Variants in NOVA1 observed in about 807,000 individuals in gnomAD.
NOVA1 encodes RNA-binding protein Nova-1.
NOVA1 carries 7 observed loss-of-function variants against 38.0 expected under a neutral mutation model. That is an observed-to-expected ratio of 0.18 (90% CI 0.10 to 0.35). The LOEUF (loss-of-function observed/expected upper bound fraction) is 0.35. Among genes scored for constraint, NOVA1 ranks in the 10% least tolerant of loss-of-function variants. The pLI is 1.00. For missense variants in NOVA1, 460 were observed against 616.0 expected (o/e 0.75, Z 2.68); for synonymous variants, 270 against 232.5 (o/e 1.16, Z -1.47).
At chr14:26,505,376 G>T (rs1887569653) in intron 2 of NOVA1, among the ~76,000 whole-genome samples, 1 of 151,956 alleles carries the variant, frequency 6.6e-6, no homozygotes, top group Non-Finnish European at 1.5e-5. Flanking sequence ...GTGAGATCTG[G>T]TTGTTTTCTA....
At chr14:26,499,217 T>C (rs1887071141) in intron 2 of NOVA1, among the ~76,000 whole-genome samples, 1 of 152,170 alleles carries the variant, frequency 6.6e-6, no homozygotes, top group Non-Finnish European at 1.5e-5. Context: ...ATGACAGATA[T>C]GTTAATTTGC....
chr14:26,532,901 AT>A (rs879367667), intron 2 of NOVA1, among the ~76,000 whole-genome samples: 1 of 152,150 alleles, frequency 6.6e-6, no homozygotes, highest in African/African-American at 2.4e-5. Flanking sequence ...ATAAAATGTG[AT>A]TTTTAGATCA....
intron 2 of NOVA1, among the ~76,000 whole-genome samples, chr14:26,527,140 A>AAAAC (rs1555325870): frequency 1.0e-5 from 1 of 97,962 alleles, no homozygotes; most frequent in African/African-American, 4.0e-5. Context: ...AGGTGAAGTC[A>AAAAC]TGAGCTATGG....
At chr14:26,496,939 CTT>C (rs946341675) in intron 2 of NOVA1, among the ~76,000 whole-genome samples, 1 of 152,140 alleles carries the variant, frequency 6.6e-6, no homozygotes, top group African/African-American at 2.4e-5. Context: ...ATGCCTCCAG[CTT>C]TGTTCTTTTG....
intron 2 of NOVA1, among the ~76,000 whole-genome samples, chr14:26,562,014 G>C (rs755113773): frequency 6.6e-6 from 1 of 152,046 alleles, no homozygotes; most frequent in Non-Finnish European, 1.5e-5. Flanking sequence ...CACTCTATAA[G>C]TTATAATTTC....
At chr14:26,482,161 AG>A (rs951120657) in intron 2 of NOVA1, among the ~76,000 whole-genome samples, 63 of 152,314 alleles carry the variant, frequency 4.1e-4, no homozygotes, top group African/African-American at 1.4e-3. Flanking sequence ...TGAGCCATAA[AG>A]AATTATGACT....
chr14:26,553,540 C>G (rs1891291613), intron 2 of NOVA1, among the ~76,000 whole-genome samples: 1 of 152,016 alleles, frequency 6.6e-6, no homozygotes, highest in African/African-American at 2.4e-5. Context: ...GCCCACTTCC[C>G]TTCTCTGTGC....
At chr14:26,456,217 C>T (rs184283639) in intron 4 of NOVA1, among the ~76,000 whole-genome samples, 192 of 151,920 alleles carry the variant, frequency 1.3e-3, no homozygotes, top group African/African-American at 4.3e-3. Context: ...AAAATACCTA[C>T]GAAGATAAAC....
chr14:26,501,727 T>C (rs1441308273), intron 2 of NOVA1, among the ~76,000 whole-genome samples: 1 of 151,942 alleles, frequency 6.6e-6, no homozygotes, highest in South Asian at 2.1e-4. Context: ...ACTGAAATTA[T>C]ATTTGGTACA....
At chr14:26,528,455 G>A (rs1253899488) in intron 2 of NOVA1, among the ~76,000 whole-genome samples, 3 of 152,148 alleles carry the variant, frequency 2.0e-5, no homozygotes, top group African/African-American at 2.4e-5. Flanking sequence ...TATGGGTAAG[G>A]TAGAGGGTGG....
chr14:26,491,779 A>T (rs1412113715), intron 2 of NOVA1, among the ~76,000 whole-genome samples: 1 of 151,828 alleles, frequency 6.6e-6, no homozygotes, highest in African/African-American at 2.4e-5. Flanking sequence ...TTATTTCTAG[A>T]CTCCATTAAT....
At chr14:26,503,003 T>C (rs1007830923) in intron 2 of NOVA1, among the ~76,000 whole-genome samples, 1 of 152,054 alleles carries the variant, frequency 6.6e-6, no homozygotes, top group African/African-American at 2.4e-5. Context: ...CAATGTCTGT[T>C]TGTTTTCCTT....
chr14:26,579,571 AGTAT>A (rs1236299032), intron 2 of NOVA1, among the ~76,000 whole-genome samples: 15 of 152,320 alleles, frequency 9.8e-5, no homozygotes, highest in African/African-American at 3.4e-4. Context: ...TAAAATATTT[AGTAT>A]GTAAGTAATA....
At chr14:26,498,768 A>G (rs1165954295) in intron 2 of NOVA1, among the ~76,000 whole-genome samples, 2 of 152,208 alleles carry the variant, frequency 1.3e-5, no homozygotes, top group Non-Finnish European at 1.5e-5. Context: ...GGTTCTGAGA[A>G]TATTAAAGAA....
At chr14:26,493,946 C>G (rs1229059299) in intron 2 of NOVA1, among the ~76,000 whole-genome samples, 1 of 152,174 alleles carries the variant, frequency 6.6e-6, no homozygotes, top group Non-Finnish European at 1.5e-5. Context: ...AAAGAAAGGT[C>G]AGTGGTATCA....
intron 2 of NOVA1, among the ~76,000 whole-genome samples, chr14:26,560,652 T>C (rs997530541): frequency 9.9e-5 from 15 of 152,234 alleles, no homozygotes; most frequent in African/African-American, 3.6e-4. Context: ...CTGACTCTAA[T>C]TGCATAGATA....
At chr14:26,573,903 T>C (rs1892645469) in intron 2 of NOVA1, among the ~76,000 whole-genome samples, 1 of 152,068 alleles carries the variant, frequency 6.6e-6, no homozygotes, top group Non-Finnish European at 1.5e-5. Context: ...TATCTAAGGA[T>C]GCTCAGCAAC....
intron 2 of NOVA1, among the ~76,000 whole-genome samples, chr14:26,486,174 C>G (rs529862439): frequency 6.6e-6 from 1 of 152,174 alleles, no homozygotes; most frequent in East Asian, 1.9e-4. Flanking sequence ...TTTTCAAATA[C>G]ATTTAAATTT....
At chr14:26,537,924 T>C (rs1002997084) in intron 2 of NOVA1, among the ~76,000 whole-genome samples, 1 of 152,156 alleles carries the variant, frequency 6.6e-6, no homozygotes, top group Non-Finnish European at 1.5e-5. Flanking sequence ...ACATGAATGA[T>C]GAACCTTCTC....
Sources: gnomAD v4.1 joint callset for allele counts (sites outside exome capture counted in the v4.1 genomes callset) on GRCh38, gnomAD v4.1.1 for gene constraint, MANE v1.5 for transcripts, NCBI Gene and HGNC (gene_info 2026-07-23, HGNC 2026-07-21) for gene names.